The following NEGR1 variants were observed in gnomAD, a reference collection of about 807,000 sequenced individuals.
The protein encoded by NEGR1 is IgLON family member 4.
NEGR1 carries 10 observed loss-of-function variants against 40.9 expected under a neutral mutation model. The observed-to-expected ratio is 0.24, with a 90% CI of 0.15 to 0.42. NEGR1 has a LOEUF of 0.42. Ranked by LOEUF, NEGR1 falls within the 10% of genes least tolerant of loss-of-function variation. The pLI is 1.00. For synonymous variants in NEGR1, 185 were observed against 166.8 expected, an observed-to-expected ratio of 1.11 and a Z score of -0.84; for missense variants, 352 against 438.9, an observed-to-expected ratio of 0.80 and a Z score of 1.77.
chr1:72,037,599 G>T (rs1438570949), intron 1 of NEGR1, among the ~76,000 whole-genome samples: 5 of 151,982 alleles, frequency 3.3e-5, no homozygotes, highest in Non-Finnish European at 7.4e-5. Context: ...TTTTTGTCAT[G>T]CTTTCCTTCA....
chr1:71,433,473 AAGATATACCCG>A (rs1646482582), intron 6 of NEGR1, among the ~76,000 whole-genome samples: 1 of 152,186 alleles, frequency 6.6e-6, no homozygotes, highest in Non-Finnish European at 1.5e-5. Context: ...ACTGCTGATA[AAGATATACCCG>A]AGACTGGGAA....
intron 3 of NEGR1, among the ~76,000 whole-genome samples, chr1:71,749,924 C>T (rs1157944779): frequency 6.6e-6 from 1 of 151,772 alleles, no homozygotes; most frequent in Admixed American, 6.6e-5. Flanking sequence ...TTTACAGACA[C>T]ATATAAAAAT....
chr1:72,050,073 C>G (rs1647044032), intron 1 of NEGR1, among the ~76,000 whole-genome samples: 1 of 151,404 alleles, frequency 6.6e-6, no homozygotes, highest in Admixed American at 6.6e-5. Flanking sequence ...ATGTTTGATT[C>G]TGTTAAAGTC....
chr1:71,556,016 T>C (rs1343938174), intron 6 of NEGR1, among the ~76,000 whole-genome samples: 1 of 151,468 alleles, frequency 6.6e-6, no homozygotes, highest in East Asian at 2.0e-4. Context: ...TGAATATACT[T>C]GCCACTACTA....
chr1:71,852,975 A>C (rs960547068), intron 2 of NEGR1, among the ~76,000 whole-genome samples: 1 of 152,146 alleles, frequency 6.6e-6, no homozygotes, highest in Non-Finnish European at 1.5e-5. Flanking sequence ...AGAGATTTCA[A>C]TGTGTGGTAT....
chr1:71,422,690 G>A (rs1646405800), intron 6 of NEGR1: 1 of 152,134 alleles, frequency 6.6e-6, no homozygotes, highest in Admixed American at 6.5e-5. Context: ...ATAAAACGTG[G>A]AATATTATAG....
chr1:72,016,256 C>T (rs960372213), intron 1 of NEGR1, among the ~76,000 whole-genome samples: 2 of 152,018 alleles, frequency 1.3e-5, no homozygotes, highest in East Asian at 3.9e-4. Context: ...CATTTTTATA[C>T]CTATCATCCT....
chr1:71,769,478 G>T (rs1043843844), intron 3 of NEGR1, among the ~76,000 whole-genome samples: 8 of 152,160 alleles, frequency 5.3e-5, no homozygotes, highest in South Asian at 2.1e-4. Context: ...CCCATGTGTT[G>T]TTGGAAGGGA....
intron 4 of NEGR1, among the ~76,000 whole-genome samples, chr1:71,697,175 C>T (rs185989679): frequency 2.7e-4 from 41 of 151,836 alleles, no homozygotes; most frequent in East Asian, 2.5e-3. Flanking sequence ...ACATTATTAG[C>T]AAGGACCATA....
At chr1:71,411,651 A>G (rs1310620565) in intron 6 of NEGR1, among the ~76,000 whole-genome samples, 2 of 152,288 alleles carry the variant, frequency 1.3e-5, no homozygotes, top group Non-Finnish European at 2.9e-5. Context: ...GATTATTTTT[A>G]AAGGATCACT....
chr1:71,596,773 C>T (rs560960121), intron 5 of NEGR1, among the ~76,000 whole-genome samples: 124 of 152,252 alleles, frequency 8.1e-4, no homozygotes, highest in Non-Finnish European at 1.2e-3. Context: ...CTAGAGAAAC[C>T]AACTTGCAGA....
At chr1:71,875,475 A>G (rs1026609497) in intron 2 of NEGR1, among the ~76,000 whole-genome samples, 1 of 152,204 alleles carries the variant, frequency 6.6e-6, no homozygotes, top group Non-Finnish European at 1.5e-5. Flanking sequence ...TAGCAGTGGC[A>G]TTTGATAATC....
At chr1:71,990,918 ATT>A (rs57277556) in intron 1 of NEGR1, among the ~76,000 whole-genome samples, 8 of 104,256 alleles carry the variant, frequency 7.7e-5, no homozygotes, top group African/African-American at 1.6e-4. Context: ...ATATATATAT[ATT>A]TTTTTTTTAA....
At chr1:71,421,158 TA>T (rs952262917) in intron 6 of NEGR1, among the ~76,000 whole-genome samples, 4 of 152,074 alleles carry the variant, frequency 2.6e-5, no homozygotes, top group African/African-American at 9.6e-5. Flanking sequence ...ATAATCATTA[TA>T]TTAGAAATCT....
At chr1:72,273,432 T>A (rs1376594962) in intron 1 of NEGR1, among the ~76,000 whole-genome samples, 1 of 152,008 alleles carries the variant, frequency 6.6e-6, no homozygotes, top group Admixed American at 6.6e-5. Context: ...TTGATTATAA[T>A]TGTCAAGGGC....
chr1:72,271,588 C>CTAG (rs1655845143), intron 1 of NEGR1, among the ~76,000 whole-genome samples: 1 of 151,728 alleles, frequency 6.6e-6, no homozygotes, highest in Non-Finnish European at 1.5e-5. Context: ...TAAATATAGA[C>CTAG]TAGTAACTAA....
At chr1:71,704,023 A>G (rs1306249081) in intron 3 of NEGR1, among the ~76,000 whole-genome samples, 1 of 152,022 alleles carries the variant, frequency 6.6e-6, no homozygotes, top group Non-Finnish European at 1.5e-5. Flanking sequence ...TAAAAACCAG[A>G]GGAAAAGAGA....
chr1:71,764,617 G>A (rs755534711), intron 3 of NEGR1, among the ~76,000 whole-genome samples: 9 of 152,168 alleles, frequency 5.9e-5, no homozygotes, highest in Non-Finnish European at 7.3e-5. Flanking sequence ...TGCAGTGGTG[G>A]TTCAAGAAGT....
chr1:71,761,490 T>G (rs920547236), intron 3 of NEGR1, among the ~76,000 whole-genome samples: 3 of 152,226 alleles, frequency 2.0e-5, no homozygotes, highest in African/African-American at 7.2e-5. Flanking sequence ...GAAACTATTT[T>G]GTATTCTTGA....
Sources: allele counts gnomAD v4.1 joint callset (sites outside exome capture counted in the v4.1 genomes callset), GRCh38; gene constraint gnomAD v4.1.1; transcripts MANE v1.5; gene names NCBI Gene and HGNC (gene_info 2026-07-23, HGNC 2026-07-21).